PEAK1: variants seen among roughly 807,000 people sequenced by gnomAD.
PEAK1 encodes the protein inactive tyrosine-protein kinase PEAK1.
In PEAK1, 54 loss-of-function variants were observed where a neutral mutation model predicts 124.7. The ratio of observed to expected loss-of-function variants is 0.43; its 90% CI spans 0.35 to 0.54. PEAK1 has a LOEUF of 0.54. Ranked by LOEUF, PEAK1 falls within the 20% of genes least tolerant of loss-of-function variation. PEAK1 has a pLI of 0.01. For missense variants in PEAK1, 2,046 were observed against 2,134.5 expected, an observed-to-expected ratio of 0.96 and a Z score of 0.82; for synonymous variants, 719 against 760.0, an observed-to-expected ratio of 0.95 and a Z score of 0.89.
At chr15:77,374,558 C>A (rs2068866655) in intron 1 of PEAK1, among the ~76,000 whole-genome samples, 2 of 152,030 alleles carry the variant, frequency 1.3e-5, no homozygotes. Flanking sequence ...GAAGGATGAA[C>A]ATGTAGCTTC....
chr15:77,168,578 C>T (rs1353809907), intron 7 of PEAK1, among the ~76,000 whole-genome samples: 1 of 152,186 alleles, frequency 6.6e-6, no homozygotes, highest in African/African-American at 2.4e-5. Context: ...GGATCTGGCC[C>T]ATCGGCCATA....
At chr15:77,397,551 GA>G (rs1171252011) in intron 1 of PEAK1, among the ~76,000 whole-genome samples, 2 of 150,974 alleles carry the variant, frequency 1.3e-5, no homozygotes, top group Non-Finnish European at 3.0e-5. Flanking sequence ...AGGAGACTAA[GA>G]AAAAAAGAAA....
chr15:77,320,177 G>A (rs748134925), intron 2 of PEAK1, among the ~76,000 whole-genome samples: 1 of 152,056 alleles, frequency 6.6e-6, no homozygotes, highest in Non-Finnish European at 1.5e-5. Flanking sequence ...TTATTGCCCA[G>A]TGTCCCTGTT....
chr15:77,351,702 C>G, intron 2 of PEAK1: 2 of 980,424 alleles, frequency 2.0e-6, no homozygotes, highest in Non-Finnish European at 2.4e-6. Flanking sequence ...TTCAAGGTGC[C>G]AAGAACCTGG....
At position 77,113,869 on chromosome 15, in the gene PEAK1, G is replaced by A. The variant is rs1396784704; in HGVS notation, c.*287C>T. The A allele has an allele frequency of 2.5e-6, 1 of 406,620 alleles. No homozygotes were observed. Among genetic ancestry groups the A allele is most frequent in the Admixed American group, 4.0e-5 (1 of 25,066 alleles). 25.2% of individuals were successfully genotyped at this position (406,620 alleles called of 1,614,324 possible). Reference sequence around the variant, plus strand: ...AAGAAGCTGTCCCTTCAAGAATATGGATTTTCATTTTTACCTGCATTTATG... The same window carrying A: ...AAGAAGCTGTCCCTTCAAGAATATGAATTTTCATTTTTACCTGCATTTATG... On this transcript the variant is annotated 3_prime_UTR_variant, in exon 10 of 10. Coordinates refer to ENST00000682557, the MANE Select transcript of PEAK1 (RefSeq NM_001385026.1).
chr15:77,178,662 T>C (rs769018326), intron 7 of PEAK1, 128 bp downstream of exon 7: 18 of 870,670 alleles, frequency 2.1e-5, no homozygotes, highest in African/African-American at 6.8e-5. Flanking sequence ...GTTATAAAGA[T>C]AGATGATGGC....
chr15:77,290,437 G>T (rs1408024175), intron 2 of PEAK1, among the ~76,000 whole-genome samples: 1 of 152,034 alleles, frequency 6.6e-6, no homozygotes, highest in Non-Finnish European at 1.5e-5. Flanking sequence ...ATTTTTAGTA[G>T]AGACAGGGTT....
At chr15:77,103,101 A>T (rs1458505058) in exon 7 of PEAK1, 1 of 152,220 alleles carries the variant, frequency 6.6e-6, no homozygotes, top group Non-Finnish European at 1.5e-5. Flanking sequence ...TATTATTTTT[A>T]GTGCGAGAAG....
chr15:77,351,398 G>A (rs539315675), intron 2 of PEAK1, among the ~76,000 whole-genome samples: 95 of 152,282 alleles, frequency 6.2e-4, no homozygotes, highest in African/African-American at 2.2e-3. Flanking sequence ...AATGAGGCAG[G>A]AAAATATGGT....
rs541591263 is a variant in PEAK1, at chr15:77,418,861, C to A, written c.-666+1145G>T. Reference sequence around the variant, plus strand: ...AAAGACGCTGTGGCTGAACAAAAATCAGTAAGTAGGCCCCAAAACAGAATC... The same window carrying A: ...AAAGACGCTGTGGCTGAACAAAAATAAGTAAGTAGGCCCCAAAACAGAATC... On this transcript the variant is annotated intron_variant, in intron 1 of 9. Transcript: ENST00000682557. 1.5e-3 allele frequency: 1,504 copies of A among 985,358 alleles called. 1 individual carries two copies. The highest frequency in any genetic ancestry group is 1.7e-3 in the Non-Finnish European group (1,382 of 829,904). 61.0% of individuals were successfully genotyped at this position (985,358 alleles called of 1,614,324 possible). A position where few individuals can be genotyped will look rare whatever the true frequency, so the allele number is the denominator to read the frequency against.
chr15:77,160,818 T>G (rs2055569215), intron 7 of PEAK1, among the ~76,000 whole-genome samples: 1 of 152,204 alleles, frequency 6.6e-6, no homozygotes, highest in Non-Finnish European at 1.5e-5. Flanking sequence ...CCTTCTTTCT[T>G]TCTCCATCTC....
chr15:77,245,668 C>T (rs572564034), intron 6 of PEAK1, among the ~76,000 whole-genome samples: 2 of 152,012 alleles, frequency 1.3e-5, no homozygotes, highest in Admixed American at 1.3e-4. Context: ...CACTGCACTC[C>T]AGCCTGGCCT....
At position 77,133,833 on chromosome 15, in the gene PEAK1, G is replaced by A. The variant is rs1258166158; in HGVS notation, c.3332-83C>T. On this transcript the variant is annotated intron_variant, in intron 8 of 9. Coordinates refer to ENST00000682557, the MANE Select transcript of PEAK1 (RefSeq NM_001385026.1). The surrounding 1 kb of genome is among the most constrained non-coding windows in gnomAD (Gnocchi z 4.2). ...TTATAACTGAAACTTGAGCAGAAAT[G>A]AGTGAGGTAGCCATGGGAATGTAAG... 1 of 1,393,354 alleles carries A rather than the reference G, an allele frequency of 7.2e-7. No individual in the cohort carries two copies. Among genetic ancestry groups the A allele is most frequent in the Non-Finnish European group, 9.5e-7 (1 of 1,051,130 alleles). 86.3% of individuals were successfully genotyped at this position (1,393,354 alleles called of 1,614,324 possible).
intron 6 of PEAK1, among the ~76,000 whole-genome samples, chr15:77,204,010 C>A (rs78463504): frequency 6.6e-6 from 1 of 152,112 alleles, no homozygotes; most frequent in Non-Finnish European, 1.5e-5. Context: ...ATTTGCAACA[C>A]GTATCTGCAA....
intron 6 of PEAK1, among the ~76,000 whole-genome samples, chr15:77,230,110 A>G (rs1348495890): frequency 6.6e-6 from 1 of 152,236 alleles, no homozygotes; most frequent in African/African-American, 2.4e-5. Flanking sequence ...AATATTTAAG[A>G]CAGGGAAAAC....
At chr15:77,406,914 G>A (rs959993055) in intron 1 of PEAK1, among the ~76,000 whole-genome samples, 1 of 152,084 alleles carries the variant, frequency 6.6e-6, no homozygotes, top group Non-Finnish European at 1.5e-5. Context: ...TGGTACTGGT[G>A]TAAAAATAGG....
Position 77,133,119 on chromosome 15 carries a change from C to T in PEAK1, c.3963G>A (p.Val1321=), listed in dbSNP as rs1346491217. The T allele has an allele frequency of 6.2e-7, 1 of 1,614,100 alleles. No homozygotes were observed. The highest frequency in any genetic ancestry group is 1.3e-5 in the African/African-American group (1 of 74,936). The change falls in exon 9 of 10, where the codon GTG becomes GTA. Residue 1321 remains valine, a synonymous_variant. Coordinates refer to ENST00000682557, the MANE Select transcript of PEAK1 (RefSeq NM_001385026.1). The surrounding 1 kb of genome is among the most constrained non-coding windows in gnomAD (Gnocchi z 4.2). ...AGQKDQLRFG[V]DSWSDFRLTS... ...TTAGCCTGAAGTCTGACCAGCTGTCCACTCCAAAACGGAGCTGGTCTTTCT... is the reference window on the plus strand; with the variant it reads ...TTAGCCTGAAGTCTGACCAGCTGTCTACTCCAAAACGGAGCTGGTCTTTCT...
rs915645939 is a variant in PEAK1, at chr15:77,108,869, G to C, written c.*5287C>G. On this transcript the variant is annotated 3_prime_UTR_variant, in exon 10 of 10. Coordinates refer to ENST00000682557, the MANE Select transcript of PEAK1 (RefSeq NM_001385026.1). ...AAGATAAAAAGCTGGAATAAACCCA[G>C]AGACTTTCTGGAGTGGGAAACATGT... 2 of 152,228 alleles carry C rather than the reference G, an allele frequency of 1.3e-5. No individual in the cohort carries two copies. Among genetic ancestry groups the C allele is most frequent in the Admixed American group, 6.5e-5 (1 of 15,280 alleles). 9.4% of individuals were successfully genotyped at this position (152,228 alleles called of 1,614,324 possible). A position where few individuals can be genotyped will look rare whatever the true frequency, so the allele number is the denominator to read the frequency against.
intron 5 of PEAK1, among the ~76,000 whole-genome samples, chr15:77,283,055 C>T (rs1454650672): frequency 1.3e-5 from 2 of 152,018 alleles, no homozygotes; most frequent in Non-Finnish European, 2.9e-5. Context: ...AATGGGTACG[C>T]AATAAGAGGT....
Sources: gnomAD v4.1 joint callset for allele counts (sites outside exome capture counted in the v4.1 genomes callset) on GRCh38, gnomAD v4.1.1 for gene constraint, Gnocchi (gnomAD v3.1) non-coding constraint, MANE v1.5 for transcripts, NCBI Gene and HGNC (gene_info 2026-07-23, HGNC 2026-07-21) for gene names.